Variants in PLCB4 observed in about 807,000 individuals in gnomAD.
PLCB4 encodes the protein 1-phosphatidylinositol 4,5-bisphosphate phosphodiesterase beta-4.
A neutral mutation model predicts 178.8 loss-of-function variants in PLCB4; 77 were observed. That is an observed-to-expected ratio of 0.43 (90% confidence interval 0.36 to 0.52). The LOEUF is 0.52. Among genes scored for constraint, PLCB4 ranks in the 20% least tolerant of loss-of-function variants. The pLI is 0.00. For synonymous variants in PLCB4, 496 were observed against 490.8 expected, an observed-to-expected ratio of 1.01 and a Z score of -0.14; for missense variants, 1,024 against 1,453.4, an observed-to-expected ratio of 0.70 and a Z score of 4.80.
At chr20:9,272,655 C>T (rs1336173547) in intron 3 of PLCB4, among the ~76,000 whole-genome samples, 1 of 152,104 alleles carries the variant, frequency 6.6e-6, no homozygotes, top group African/African-American at 2.4e-5. Context: ...AGTAAGCTAC[C>T]AGAGCTCTCC....
chr20:9,301,138 A>T (rs552957087), intron 3 of PLCB4, among the ~76,000 whole-genome samples: 1 of 151,628 alleles, frequency 6.6e-6, no homozygotes, highest in African/African-American at 2.4e-5. Flanking sequence ...AAGGACATTT[A>T]GGGCCCACCT....
rs745688625 is a variant in PLCB4, at chr20:9,437,114, C to T, written c.2726C>T (p.Thr909Ile). 31 of 1,613,982 alleles carry T rather than the reference C, an allele frequency of 1.9e-5. No individual in the cohort carries two copies. The highest frequency in any genetic ancestry group is 2.6e-5 in the Non-Finnish European group (31 of 1,179,986). The change falls in exon 30 of 40, where the codon ACC (threonine) becomes ATC (isoleucine). Residue 909 changes from threonine to isoleucine, a missense_variant. By Grantham distance (89) the Thr-to-Ile change is moderately conservative. This residue lies in a region of PLCB4 where 227 missense variants were observed against 374.3 expected (regional missense o/e 0.61). Coordinates refer to ENST00000378473, the MANE Select transcript of PLCB4 (RefSeq NM_001377142.1). ...AGTAGCTCTGAGCTCAGACCAACCA[C>T]CACGGCTGCCCTGGCCTCTGGTGTG... ...PQSSSELRPT[T>I]TAALASGVEA... is the part of the protein sequence containing the mutation.
At position 9,473,643 on chromosome 20, in the gene PLCB4, A is replaced by C. The variant is rs115942523; in HGVS notation, c.3495+278A>C. ...GAATGAAATTACTAAAAGTGAGAGG[A>C]TGAAAAAAAGAGATTACGAAGTATT... On this transcript the variant is annotated intron_variant, in intron 38 of 39. Coordinates refer to ENST00000378473, the MANE Select transcript of PLCB4 (RefSeq NM_001377142.1). 4.7e-3 allele frequency among the ~76,000 whole-genome samples: 717 copies of C among 152,294 alleles called. 4 individuals are homozygous for C. The highest frequency in any genetic ancestry group is 0.016 in the African/African-American group (676 of 41,562).
intron 3 of PLCB4, among the ~76,000 whole-genome samples, chr20:9,254,453 G>C (rs893781775): frequency 6.6e-6 from 1 of 152,136 alleles, no homozygotes; most frequent in Non-Finnish European, 1.5e-5. Flanking sequence ...CCAGCACTTC[G>C]GGAGGCCAAG....
At chr20:9,453,229 G>A (rs1278747140) in intron 32 of PLCB4, 118 bp from the exon 33 acceptor site, 2 of 643,214 alleles carry the variant, frequency 3.1e-6, no homozygotes, top group African/African-American at 1.8e-5. Flanking sequence ...CTCAGATTTG[G>A]TTATTCCTTG....
intron 3 of PLCB4, among the ~76,000 whole-genome samples, chr20:9,262,594 T>G (rs993128533): frequency 1.3e-5 from 2 of 152,176 alleles, no homozygotes; most frequent in Non-Finnish European, 2.9e-5. Context: ...CTGTCTGGCA[T>G]TCCATGAGGA....
At chr20:9,388,962 C>G (rs929610485) in intron 15 of PLCB4, among the ~76,000 whole-genome samples, 2 of 152,108 alleles carry the variant, frequency 1.3e-5, no homozygotes, top group African/African-American at 4.8e-5. Flanking sequence ...TTTATCATGT[C>G]AAATGGATTT....
intron 13 of PLCB4, among the ~76,000 whole-genome samples, chr20:9,381,500 G>A (rs2037139328): frequency 6.6e-6 from 1 of 152,212 alleles, no homozygotes; most frequent in Non-Finnish European, 1.5e-5. Context: ...TCTGTTCAAG[G>A]AGAAAGACAA....
At chr20:9,185,841 T>A (rs778643828) in intron 2 of PLCB4, among the ~76,000 whole-genome samples, 3 of 152,190 alleles carry the variant, frequency 2.0e-5, no homozygotes, top group Non-Finnish European at 2.9e-5. Flanking sequence ...CCCCCACTCA[T>A]CCACATGGCT....
chr20:9,432,444 C>G (rs2041487191), intron 28 of PLCB4, among the ~76,000 whole-genome samples: 1 of 152,164 alleles, frequency 6.6e-6, no homozygotes, highest in Non-Finnish European at 1.5e-5. Context: ...CCTAACCACC[C>G]AGTCCTGTGT....
chr20:9,414,360 C>T (rs564488374), intron 25 of PLCB4, among the ~76,000 whole-genome samples: 53 of 152,324 alleles, frequency 3.5e-4, no homozygotes, highest in African/African-American at 8.4e-4. Context: ...TGTTCCATGG[C>T]GATGGTAGAT....
At position 9,372,323 on chromosome 20, in the gene PLCB4, A is replaced by G. The variant is rs776749187; in HGVS notation, c.606A>G (p.Thr202=). The G allele has an allele frequency of 6.9e-6, 11 of 1,586,990 alleles. No homozygotes were observed. In the African/African-American group the frequency reaches 1.5e-4, roughly 21 times the overall value. ...TACAGAATGATGAAATTGAGCCCAC[A>G]GCATTTTCTTATGAAAAGTTCTATG... ...PSGKNDEIEP[T]AFSYEKFYEL... The change falls in exon 11 of 40, where the codon ACA becomes ACG. Residue 202 remains threonine, a synonymous_variant. Transcript: ENST00000378473.
intron 1 of PLCB4, among the ~76,000 whole-genome samples, chr20:9,094,116 T>C (rs2090801956): frequency 6.6e-6 from 1 of 152,182 alleles, no homozygotes; most frequent in Admixed American, 6.6e-5. Context: ...TTGATACTAA[T>C]GATATGTTAT....
intron 2 of PLCB4, among the ~76,000 whole-genome samples, chr20:9,105,712 G>T (rs1048148006): frequency 6.6e-6 from 1 of 151,986 alleles, no homozygotes; most frequent in Non-Finnish European, 1.5e-5. Context: ...GTAGGAAAAA[G>T]ATTAATTACT....
At chr20:9,391,621 G>C (rs536654860) in intron 17 of PLCB4, among the ~76,000 whole-genome samples, 1 of 152,262 alleles carries the variant, frequency 6.6e-6, no homozygotes. Context: ...CCTCGAACTT[G>C]CAGAAGCAGT....
chr20:9,337,677 T>C (rs1461552032), intron 5 of PLCB4, among the ~76,000 whole-genome samples: 1 of 152,170 alleles, frequency 6.6e-6, no homozygotes, highest in African/African-American at 2.4e-5. Flanking sequence ...AATTAGCATT[T>C]TTCTCACATT....
chr20:9,466,514 A>G (rs1054898440), intron 35 of PLCB4, among the ~76,000 whole-genome samples: 2 of 152,244 alleles, frequency 1.3e-5, no homozygotes, highest in African/African-American at 4.8e-5. Context: ...GAATGGGAGA[A>G]AATTTTTGCA....
chr20:9,290,117 T>C (rs1997698), intron 3 of PLCB4, among the ~76,000 whole-genome samples: 52,221 of 151,064 alleles, frequency 0.35, 9,258 homozygotes, highest in African/African-American at 0.44. Flanking sequence ...TGAAACTTGC[T>C]GGCAGTCTTG....
chr20:9,177,275 G>T (rs986822576), intron 2 of PLCB4, among the ~76,000 whole-genome samples: 4 of 152,186 alleles, frequency 2.6e-5, no homozygotes, highest in African/African-American at 9.7e-5. Flanking sequence ...TGCTGGAATT[G>T]CTGAATAGTG....
Sources: gnomAD v4.1 joint callset for allele counts (sites outside exome capture counted in the v4.1 genomes callset) on GRCh38, gnomAD v4.1.1 for gene constraint, gnomAD v4.1.1 regional missense constraint, MANE v1.5 for transcripts, NCBI Gene and HGNC (gene_info 2026-07-23, HGNC 2026-07-21) for gene names.